Variants in KAT6B observed in about 807,000 individuals in gnomAD.
KAT6B encodes the protein histone acetyltransferase KAT6B.
A neutral mutation model predicts 187.5 loss-of-function variants in KAT6B; 10 were observed. That is an observed-to-expected ratio of 0.05 (90% CI 0.03 to 0.09). The LOEUF (loss-of-function observed/expected upper bound fraction) is 0.09, where lower values mean the gene tolerates loss of function less well. Ranked by LOEUF, KAT6B falls within the 10% of genes least tolerant of loss-of-function variation. The pLI, the probability that KAT6B is intolerant of heterozygous loss-of-function variation, is 1.00. For missense variants in KAT6B, 1,952 were observed against 2,558.9 expected (o/e 0.76, Z 5.12); for synonymous variants, 861 against 926.8 (o/e 0.93, Z 1.29).
chr10:74,975,289 T>C, intron 7 of KAT6B, 110 bp from the exon 8 acceptor site: 2 of 874,040 alleles, frequency 2.3e-6, no homozygotes, highest in Non-Finnish European at 3.7e-6. Flanking sequence ...AAAAATACAG[T>C]TCTTAAGTTT....
intron 3 of KAT6B, among the ~76,000 whole-genome samples, chr10:74,866,835 A>G (rs1313313688): frequency 6.6e-6 from 1 of 152,194 alleles, no homozygotes; most frequent in Non-Finnish European, 1.5e-5. Flanking sequence ...AAGAAAATTG[A>G]AAAGGGAACA....
intron 3 of KAT6B, among the ~76,000 whole-genome samples, chr10:74,913,767 C>T (rs1405736914): frequency 1.3e-5 from 2 of 152,188 alleles, no homozygotes; most frequent in Non-Finnish European, 2.9e-5. Flanking sequence ...AGGAGTAAAC[C>T]GCCCTGCAGG....
intron 13 of KAT6B, among the ~76,000 whole-genome samples, chr10:75,012,231 T>G (rs1011011904): frequency 3.9e-5 from 6 of 152,108 alleles, no homozygotes; most frequent in African/African-American, 1.4e-4. Flanking sequence ...GAGGGTTGCT[T>G]GAGCCGAGGA....
chr10:74,949,340 G>A (rs952873462), intron 3 of KAT6B, among the ~76,000 whole-genome samples: 3 of 152,122 alleles, frequency 2.0e-5, no homozygotes, highest in Non-Finnish European at 4.4e-5. Context: ...AAGGCCCTGG[G>A]GCAAGCAATT....
At chr10:74,904,063 A>T (rs1846586830) in intron 3 of KAT6B, among the ~76,000 whole-genome samples, 1 of 152,176 alleles carries the variant, frequency 6.6e-6, no homozygotes, top group African/African-American at 2.4e-5. Flanking sequence ...CATGAGTTAG[A>T]TGAGCACAGT....
chr10:74,888,116 T>C (rs779420671), intron 3 of KAT6B, among the ~76,000 whole-genome samples: 18 of 152,208 alleles, frequency 1.2e-4, no homozygotes, highest in Non-Finnish European at 2.4e-4. Context: ...GTGTGGGTTG[T>C]AGGAGTGTAT....
chr10:74,837,260 A>G (rs1564896465), intron 1 of KAT6B, among the ~76,000 whole-genome samples: 2 of 152,246 alleles, frequency 1.3e-5, no homozygotes, highest in Non-Finnish European at 2.9e-5. Context: ...GTGTTATATT[A>G]TAAGACCGTA....
At chr10:74,951,241 T>TGCCTCA (rs1840298204) in intron 3 of KAT6B, among the ~76,000 whole-genome samples, 1 of 152,054 alleles carries the variant, frequency 6.6e-6, no homozygotes, top group East Asian at 1.9e-4. Flanking sequence ...GTGATTCTAC[T>TGCCTCA]GCCTCAGCCT....
rs766894762 is a variant in KAT6B, at chr10:74,981,827, A to G, written c.2272A>G (p.Met758Val). 1.9e-5 allele frequency: 30 copies of G among 1,573,874 alleles called. No individual in the cohort carries two copies. The African/African-American group carries it at 3.9e-4, about 21-fold the overall frequency. ...CCTGTGTGAATTCTGTCTTAAATATATGAAAAGTAAAAATATTTTGCTAAG... is the reference window on the plus strand; with the variant it reads ...CCTGTGTGAATTCTGTCTTAAATATGTGAAAAGTAAAAATATTTTGCTAAG... ...LYLCEFCLKY[M>V]KSKNILLRHS... is the part of the protein sequence containing the mutation. Residue 758 changes from methionine (M) to valine (V), a missense_variant, in exon 11 of 18, where the codon ATG (methionine) becomes GTG (valine). This residue lies in a region of KAT6B where 87 missense variants were observed against 191.8 expected (regional missense o/e 0.45). Coordinates refer to ENST00000287239, the MANE Select transcript of KAT6B (RefSeq NM_012330.4).
intron 3 of KAT6B, among the ~76,000 whole-genome samples, chr10:74,948,251 G>T (rs2133371063): frequency 6.6e-6 from 1 of 152,294 alleles, no homozygotes; most frequent in Non-Finnish European, 1.5e-5. Flanking sequence ...TACTTTTATT[G>T]GTTCTATGAG....
intron 3 of KAT6B, among the ~76,000 whole-genome samples, chr10:74,908,068 A>G (rs189442321): frequency 1.6e-4 from 25 of 152,266 alleles, no homozygotes; most frequent in Non-Finnish European, 3.1e-4. Flanking sequence ...TCATGAATTA[A>G]TGGACTGATG....
Position 75,030,978 on chromosome 10 carries a change from G to A in KAT6B, c.6154G>A (p.Gly2052Arg), listed in dbSNP as rs756847080. The A allele has an allele frequency of 2.6e-5, 42 of 1,613,964 alleles. No homozygotes were observed. The highest frequency in any genetic ancestry group is 8.3e-5 in the Admixed American group (5 of 59,998). The change falls in exon 18 of 18, where the codon GGA becomes AGA. Residue 2052 changes from glycine to arginine, a missense_variant. By Grantham distance (125) the Gly-to-Arg change is moderately radical (BLOSUM62 -2). Transcript: ENST00000287239. This position sits in a 1 kb window ranked among gnomAD's most constrained non-coding sequence, Gnocchi z 4.8. ...PHGNMMYTAP[G>R]HHGYMNTGMS... Reference sequence around the variant, plus strand: ...CGGTAACATGATGTACACGGCCCCCGGACATCACGGCTACATGAACACAGG... The same window carrying A: ...CGGTAACATGATGTACACGGCCCCCAGACATCACGGCTACATGAACACAGG...
chr10:74,964,044 T>G (rs1378526723), intron 4 of KAT6B, among the ~76,000 whole-genome samples: 1 of 152,000 alleles, frequency 6.6e-6, no homozygotes, highest in Non-Finnish European at 1.5e-5. Flanking sequence ...GGCAGGAGAA[T>G]GGCTTGAAGC....
chr10:74,866,686 T>G (rs772779857), intron 3 of KAT6B, among the ~76,000 whole-genome samples: 8 of 151,710 alleles, frequency 5.3e-5, no homozygotes. Context: ...TTAAAAAGTT[T>G]CAGCTGGATA....
At chr10:75,016,064 G>A (rs1844957128) in intron 13 of KAT6B, among the ~76,000 whole-genome samples, 1 of 152,212 alleles carries the variant, frequency 6.6e-6, no homozygotes, top group Non-Finnish European at 1.5e-5. Flanking sequence ...TTCAATGAGC[G>A]TTAACATTAC....
intron 3 of KAT6B, among the ~76,000 whole-genome samples, chr10:74,900,619 G>C (rs1846312919): frequency 6.6e-6 from 1 of 152,226 alleles, no homozygotes. Context: ...TGAAGAGTGT[G>C]CTCACTCAAC....
At chr10:74,981,298 T>C (rs201805151) in intron 10 of KAT6B, among the ~76,000 whole-genome samples, 1 of 137,432 alleles carries the variant, frequency 7.3e-6, no homozygotes, top group East Asian at 2.2e-4. Context: ...TGGCTTTCTT[T>C]CTTTCTTTCT....
chr10:74,981,826 T>C lies in KAT6B; in HGVS notation c.2271T>C (p.Tyr757=). ...KLYLCEFCLK[Y]MKSKNILLRH... ...ACCTGTGTGAATTCTGTCTTAAATA[T>C]ATGAAAAGTAAAAATATTTTGCTAA... is the stretch of plus-strand genomic sequence containing the variant. The change falls in exon 11 of 18, where the codon TAT becomes TAC. Residue 757 remains tyrosine (Y), a synonymous_variant. Transcript: ENST00000287239. The C allele has an allele frequency of 2.5e-6, 4 of 1,570,624 alleles. No individual in the cohort carries two copies. Among genetic ancestry groups the C allele is most frequent in the African/African-American group, 1.3e-5 (1 of 74,128 alleles).
chr10:74,969,613 G>C, intron 4 of KAT6B, 47 bp from the exon 5 acceptor site: 2 of 1,140,020 alleles, frequency 1.8e-6, no homozygotes, highest in South Asian at 2.5e-5. Context: ...GTTTAAAAAA[G>C]TCAAAGGCAC....
Sources: allele counts gnomAD v4.1 joint callset (sites outside exome capture counted in the v4.1 genomes callset), GRCh38; gene constraint gnomAD v4.1.1; regional missense constraint gnomAD v4.1.1; non-coding constraint Gnocchi (gnomAD v3.1); transcripts MANE v1.5; gene names NCBI Gene and HGNC (gene_info 2026-07-23, HGNC 2026-07-21).